RBMS3: variants seen among roughly 807,000 people sequenced by gnomAD.
RBMS3 encodes the protein RNA binding motif single stranded interacting protein 3.
In RBMS3, 27 loss-of-function variants were observed where a neutral mutation model predicts 66.8. The observed-to-expected ratio is 0.40, with a 90% CI of 0.30 to 0.56. The LOEUF (loss-of-function observed/expected upper bound fraction) is 0.56, where lower values mean the gene tolerates loss of function less well. Ranked by LOEUF, RBMS3 falls within the 20% of genes least tolerant of loss-of-function variation. The probability of loss-of-function intolerance (pLI) is 0.40; values close to 1 mark genes in which losing one functional copy is unlikely to be tolerated. For synonymous variants in RBMS3, 188 were observed against 183.0 expected, an observed-to-expected ratio of 1.03 and a Z score of -0.22; for missense variants, 513 against 549.5, an observed-to-expected ratio of 0.93 and a Z score of 0.66.
At chr3:29,781,747 C>T (rs1221037845) in intron 6 of RBMS3, among the ~76,000 whole-genome samples, 2 of 151,998 alleles carry the variant, frequency 1.3e-5, no homozygotes, top group Non-Finnish European at 1.5e-5. Context: ...AGTTATCAGC[C>T]CTGGTCACTG....
chr3:29,995,972 C>G (rs1318164140), intron 14 of RBMS3, among the ~76,000 whole-genome samples: 2 of 152,058 alleles, frequency 1.3e-5, no homozygotes, highest in African/African-American at 2.4e-5. Flanking sequence ...CACAGACTGG[C>G]AAATTGGATC....
At chr3:29,548,009 G>C (rs1439288248) in intron 3 of RBMS3, among the ~76,000 whole-genome samples, 3 of 151,820 alleles carry the variant, frequency 2.0e-5, no homozygotes, top group Non-Finnish European at 2.9e-5. Context: ...GGCCAAGGCT[G>C]GTCTCGCACT....
chr3:29,631,493 C>A (rs13315821), intron 4 of RBMS3, among the ~76,000 whole-genome samples: 10,562 of 151,546 alleles, frequency 0.07, 698 homozygotes, highest in East Asian at 0.35. Context: ...TTTTATTAAC[C>A]TTCATATAAA....
chr3:29,997,698 G>T (rs938912453), intron 14 of RBMS3, among the ~76,000 whole-genome samples: 45 of 151,874 alleles, frequency 3.0e-4, no homozygotes, highest in South Asian at 6.3e-4. Flanking sequence ...TGCAGAAAAA[G>T]CCTTTGACAA....
At chr3:29,421,942 A>G (rs920109291) in intron 1 of RBMS3, among the ~76,000 whole-genome samples, 6 of 152,244 alleles carry the variant, frequency 3.9e-5, no homozygotes, top group African/African-American at 1.4e-4. Context: ...GTTACTGTTC[A>G]TGAAAACAAT....
At chr3:29,516,984 A>C (rs370423716) in intron 3 of RBMS3, among the ~76,000 whole-genome samples, 5 of 152,132 alleles carry the variant, frequency 3.3e-5, no homozygotes, top group Admixed American at 1.3e-4. Context: ...AGGTTGAGGC[A>C]GGTGGATCAC....
intron 10 of RBMS3, among the ~76,000 whole-genome samples, chr3:29,912,509 G>A (rs2060541526): frequency 6.6e-6 from 1 of 152,096 alleles, no homozygotes; most frequent in Non-Finnish European, 1.5e-5. Flanking sequence ...TGTTCATAAT[G>A]TAGTATTCTA....
At chr3:29,582,754 C>G (rs747005145) in intron 3 of RBMS3, among the ~76,000 whole-genome samples, 1 of 152,122 alleles carries the variant, frequency 6.6e-6, no homozygotes, top group Admixed American at 6.6e-5. Context: ...TGGCTTTATT[C>G]CTTGCTAAAT....
rs550863691 is a variant in RBMS3, at chr3:29,516,179, G to C, written c.307+27680G>C. Among the ~76,000 whole-genome samples the C allele has an allele frequency of 5.9e-5, 9 of 152,326 alleles. No individual in the cohort carries two copies. In the South Asian group the frequency reaches 1.9e-3, roughly 32 times the overall value. ...TTCTGACTTTGGCAACTGCATCTGT[G>C]ATGATCGTTTTAGCCGAGGTGTGGA... On this transcript the variant is annotated intron_variant, in intron 3 of 14. Transcript: ENST00000383767.
intron 4 of RBMS3, among the ~76,000 whole-genome samples, chr3:29,710,549 A>C (rs1056888794): frequency 6.6e-6 from 1 of 152,174 alleles, no homozygotes; most frequent in Non-Finnish European, 1.5e-5. Context: ...GACTGGCACT[A>C]TACTCTTTCC....
intron 1 of RBMS3, among the ~76,000 whole-genome samples, chr3:29,396,541 T>C (rs1198860085): frequency 6.6e-6 from 1 of 152,160 alleles, no homozygotes; most frequent in Non-Finnish European, 1.5e-5. Flanking sequence ...GGAAAACTCA[T>C]ACTGAAGTTA....
In RBMS3 at chr3:29,425,070, G is replaced by A. The variant is rs544228891; in HGVS notation, c.76-9673G>A. Among the ~76,000 whole-genome samples the A allele has an allele frequency of 1.4e-4, 21 of 151,678 alleles. No homozygotes were observed. The South Asian group carries it at 2.7e-3, about 20-fold the overall frequency. On this transcript the variant is annotated intron_variant, in intron 1 of 14. Transcript: ENST00000383767. ...TTAAAAAAGCTAGGGGAGGCCAAGCGCGGTGTCTCATGCCTGTAATCCCAG... is the reference window on the plus strand; with the variant it reads ...TTAAAAAAGCTAGGGGAGGCCAAGCACGGTGTCTCATGCCTGTAATCCCAG...
chr3:29,921,018 G>A (rs1317025565), intron 10 of RBMS3, among the ~76,000 whole-genome samples: 1 of 152,116 alleles, frequency 6.6e-6, no homozygotes, highest in Non-Finnish European at 1.5e-5. Context: ...GTTGGGTCTA[G>A]CCTATGAAGA....
At chr3:29,916,636 G>A (rs1483185343) in intron 10 of RBMS3, among the ~76,000 whole-genome samples, 1 of 151,902 alleles carries the variant, frequency 6.6e-6, no homozygotes. Context: ...AGCCAATATT[G>A]TGATGGAATA....
At chr3:29,347,862 G>A (rs35399574) in intron 1 of RBMS3, among the ~76,000 whole-genome samples, 46,364 of 151,950 alleles carry the variant, frequency 0.31, 7,238 homozygotes, top group African/African-American at 0.37. Flanking sequence ...GAAACATTCC[G>A]GATGATAAGG....
At chr3:29,749,467 T>G (rs1379639078) in intron 5 of RBMS3, among the ~76,000 whole-genome samples, 1 of 152,214 alleles carries the variant, frequency 6.6e-6, no homozygotes, top group Non-Finnish European at 1.5e-5. Flanking sequence ...CCATATAGGC[T>G]CCTTTAAGTT....
At chr3:29,373,841 T>G (rs2038330442) in intron 1 of RBMS3, among the ~76,000 whole-genome samples, 1 of 152,186 alleles carries the variant, frequency 6.6e-6, no homozygotes, top group South Asian at 2.1e-4. Context: ...ATCAAAGCTT[T>G]TTTAGTATTA....
chr3:29,552,643 A>G lies in RBMS3; in HGVS notation c.308-34471A>G, dbSNP rs1256212707. Reference sequence around the variant, plus strand: ...CTCATTGAGCTTTTCCTTCTTCACAACTTTTATTGGATATTGACTGAAGAA... The same window carrying G: ...CTCATTGAGCTTTTCCTTCTTCACAGCTTTTATTGGATATTGACTGAAGAA... On this transcript the variant is annotated intron_variant, in intron 3 of 14. Transcript: ENST00000383767. 2.6e-5 allele frequency among the ~76,000 whole-genome samples: 4 copies of G among 152,160 alleles called. No individual in the cohort carries two copies. The East Asian group carries it at 5.8e-4, about 22-fold the overall frequency.
intron 1 of RBMS3, among the ~76,000 whole-genome samples, chr3:29,327,614 T>C (rs2125505818): frequency 6.6e-6 from 1 of 152,300 alleles, no homozygotes; most frequent in East Asian, 1.9e-4. Flanking sequence ...TTGTTGAAAA[T>C]ATTAAGTTAT....
Sources: gnomAD v4.1 joint callset for allele counts (sites outside exome capture counted in the v4.1 genomes callset) on GRCh38, gnomAD v4.1.1 for gene constraint, MANE v1.5 for transcripts, NCBI Gene and HGNC (gene_info 2026-07-23, HGNC 2026-07-21) for gene names.